SPINK5: variants seen among roughly 807,000 people sequenced by gnomAD.
The protein encoded by SPINK5 is serine protease inhibitor Kazal-type 5.
SPINK5 carries 125 observed loss-of-function variants against 151.8 expected under a neutral mutation model. That is an observed-to-expected ratio of 0.82 (90% CI 0.71 to 0.96). The LOEUF is 0.96. Among genes scored for constraint, SPINK5 ranks in the 40% least tolerant of loss-of-function variants. The probability of loss-of-function intolerance (pLI) is 0.00; values close to 1 mark genes in which losing one functional copy is unlikely to be tolerated. For missense variants in SPINK5, 1,194 were observed against 1,291.9 expected, an observed-to-expected ratio of 0.92 and a Z score of 1.16; for synonymous variants, 374 against 395.3, an observed-to-expected ratio of 0.95 and a Z score of 0.64.
rs1561686635 is a variant in SPINK5, at chr5:148,097,623, TTGAC to T, written c.883-240_883-237del. On this transcript the variant is annotated intron_variant, in intron 10 of 32. Coordinates refer to ENST00000256084, the MANE Select transcript of SPINK5 (RefSeq NM_006846.4). The stretch of plus-strand genomic sequence containing the variant: ...TATTGCAATTACTTATCTTTTCCAT[TTGAC>T]TGATAAAGAACATAAATATAAATAA... 4.6e-5 allele frequency among the ~76,000 whole-genome samples: 7 copies of T among 152,140 alleles called. No individual in the cohort carries two copies. In the South Asian group the frequency reaches 1.4e-3, roughly 31 times the overall value.
intron 4 of SPINK5, among the ~76,000 whole-genome samples, chr5:148,086,017 T>C (rs920741270): frequency 6.6e-6 from 1 of 151,866 alleles, no homozygotes; most frequent in East Asian, 1.9e-4. Flanking sequence ...TTCTAATCTA[T>C]AATAATAGAA....
At chr5:148,117,132 AACCTTGG>A (rs1754115491) in intron 22 of SPINK5, among the ~76,000 whole-genome samples, 1 of 152,202 alleles carries the variant, frequency 6.6e-6, no homozygotes, top group Non-Finnish European at 1.5e-5. Flanking sequence ...ATCTTTTTAC[AACCTTGG>A]AATATCAAAA....
At chr5:148,073,387 A>G (rs923525704) in intron 4 of SPINK5, among the ~76,000 whole-genome samples, 4 of 151,942 alleles carry the variant, frequency 2.6e-5, no homozygotes, top group Non-Finnish European at 4.4e-5. Flanking sequence ...TTTTAAAACA[A>G]TAACAGACAC....
At chr5:148,102,006 A>C in intron 15 of SPINK5, 98 bp downstream of exon 15, 2 of 1,558,724 alleles carry the variant, frequency 1.3e-6, no homozygotes, top group Non-Finnish European at 1.8e-6. Context: ...TTTCTTCTTC[A>C]GTGTAGCATT....
chr5:148,066,664 C>T (rs1017898778), intron 2 of SPINK5, among the ~76,000 whole-genome samples: 9 of 151,944 alleles, frequency 5.9e-5, no homozygotes. Context: ...AATCAGAGAG[C>T]ATGCTCACTT....
chr5:148,078,524 C>T (rs1355409130), intron 4 of SPINK5, among the ~76,000 whole-genome samples: 4 of 150,922 alleles, frequency 2.7e-5, no homozygotes, highest in Non-Finnish European at 3.0e-5. Flanking sequence ...TTTCAGGATA[C>T]ACTATATACT....
Position 148,111,829 on chromosome 5 carries a change from A to C in SPINK5, c.1754A>C (p.Asn585Thr), listed in dbSNP as rs551099747. ...RNGRLPCTRE[N>T]DPIEGLDGKI... The stretch of plus-strand genomic sequence containing the variant: ...GGACGACTCCCCTGTACCAGAGAGA[A>C]TGATCCTATTGAGGGTCTAGATGGG... The change falls in exon 19 of 33, where the codon AAT becomes ACT. Residue 585 changes from asparagine to threonine, a missense_variant. By Grantham distance (65) the Asn-to-Thr change is moderately conservative. Coordinates refer to ENST00000256084, the MANE Select transcript of SPINK5 (RefSeq NM_006846.4). The C allele has an allele frequency of 1.9e-6, 3 of 1,614,052 alleles. No individual in the cohort carries two copies. The highest frequency in any genetic ancestry group is 2.5e-6 in the Non-Finnish European group (3 of 1,179,946).
intron 32 of SPINK5, among the ~76,000 whole-genome samples, chr5:148,134,562 A>T (rs1754650877): frequency 6.6e-6 from 1 of 152,168 alleles, no homozygotes; most frequent in Non-Finnish European, 1.5e-5. Context: ...TATCCCAATG[A>T]CCTATGAAAA....
intron 4 of SPINK5, among the ~76,000 whole-genome samples, chr5:148,080,014 A>T: frequency 6.6e-6 from 1 of 151,162 alleles, no homozygotes; most frequent in Non-Finnish European, 1.5e-5. Flanking sequence ...AGTTCTAGGG[A>T]TCCACAAAAA....
chr5:148,105,617 T>C (rs954853140), intron 16 of SPINK5, among the ~76,000 whole-genome samples: 2 of 149,432 alleles, frequency 1.3e-5, no homozygotes, highest in East Asian at 2.0e-4. Flanking sequence ...CTTTCTTTCT[T>C]TTTTTCTGTT....
intron 8 of SPINK5, among the ~76,000 whole-genome samples, chr5:148,093,313 T>A (rs773175895): frequency 1.4e-4 from 22 of 151,904 alleles, no homozygotes; most frequent in Non-Finnish European, 2.8e-4. Context: ...AACCAAAGCA[T>A]CAGGAAATCT....
At position 148,116,534 on chromosome 5, in the gene SPINK5, C is replaced by T. The variant is rs550535325; in HGVS notation, c.2112+68C>T. On this transcript the variant is annotated intron_variant, in intron 22 of 32. Coordinates refer to ENST00000256084, the MANE Select transcript of SPINK5 (RefSeq NM_006846.4). ...TCCTTGACAATAGGACTGTGAATAG[C>T]GTATATAGTCTATGGTAAAGGCAGT... 1.2e-4 allele frequency: 173 copies of T among 1,435,340 alleles called. No homozygotes were observed. The African/African-American group carries it at 2.0e-3, about 17-fold the overall frequency. 88.9% of individuals were successfully genotyped at this position (1,435,340 alleles called of 1,614,324 possible).
At chr5:148,080,086 CA>C (rs1752981300) in intron 4 of SPINK5, among the ~76,000 whole-genome samples, 1 of 150,860 alleles carries the variant, frequency 6.6e-6, no homozygotes, top group East Asian at 2.0e-4. Flanking sequence ...ATTAATAATA[CA>C]AAATTGTATT....
intron 27 of SPINK5, among the ~76,000 whole-genome samples, chr5:148,124,479 CTA>C (rs1754376779): frequency 1.3e-5 from 2 of 151,944 alleles, no homozygotes; most frequent in African/African-American, 4.8e-5. Flanking sequence ...AGTCTTAAGT[CTA>C]TTATATTAAG....
intron 20 of SPINK5, among the ~76,000 whole-genome samples, chr5:148,113,501 C>T (rs1754000794): frequency 6.6e-6 from 1 of 152,104 alleles, no homozygotes; most frequent in African/African-American, 2.4e-5. Flanking sequence ...GTGTTCCTTG[C>T]TTTACCTGTG....
chr5:148,136,206 G>A (rs1174766363), intron 32 of SPINK5, among the ~76,000 whole-genome samples: 1 of 152,096 alleles, frequency 6.6e-6, no homozygotes, highest in African/African-American at 2.4e-5. Context: ...TATATTGGAA[G>A]GAAATTTCTA....
chr5:148,098,032 A>G, intron 11 of SPINK5, 38 bp downstream of exon 11: 1 of 1,591,936 alleles, frequency 6.3e-7, no homozygotes, highest in South Asian at 1.1e-5. Context: ...GAAAGAAGGG[A>G]TCTTGCAGGT....
rs778453589 is a variant in SPINK5, at chr5:148,100,434, T to C, written c.1093-20T>C. On this transcript the variant is annotated intron_variant, in intron 12 of 32. Coordinates refer to ENST00000256084, the MANE Select transcript of SPINK5 (RefSeq NM_006846.4). The stretch of plus-strand genomic sequence containing the variant: ...GTAGAAATGAAATATATGGCCAACT[T>C]ACTTCTTCTATCTCGGCAGGAGCTT... The C allele has an allele frequency of 1.1e-5, 17 of 1,607,778 alleles. No homozygotes were observed. The highest frequency in any genetic ancestry group is 1.4e-5 in the Non-Finnish European group (16 of 1,174,876).
rs1437010002 is a variant in SPINK5, at chr5:148,112,944, C to T, written c.1887+10C>T. ...AAGAGAAGCTGAAAAGGTAGTAATC[C>T]TGAATGTTTATACTGCAATGAAAGG... On this transcript the variant is annotated intron_variant, in intron 20 of 32. Coordinates refer to ENST00000256084, the MANE Select transcript of SPINK5 (RefSeq NM_006846.4). 1.2e-6 allele frequency: 2 copies of T among 1,613,438 alleles called. No homozygotes were observed. Among genetic ancestry groups the T allele is most frequent in the East Asian group, 4.5e-5 (2 of 44,848 alleles).
Sources: allele counts gnomAD v4.1 joint callset (sites outside exome capture counted in the v4.1 genomes callset), GRCh38; gene constraint gnomAD v4.1.1; transcripts MANE v1.5; gene names NCBI Gene and HGNC (gene_info 2026-07-23, HGNC 2026-07-21).